The following OR1L6 variants were observed in gnomAD, a reference collection of about 807,000 sequenced individuals.
OR1L6 encodes the protein olfactory receptor 1L6.
Under a neutral mutation model 3.0 loss-of-function variants are expected in OR1L6, and 2 were observed. The ratio of observed to expected loss-of-function variants is 0.68; its 90% CI spans 0.28 to 2.13. OR1L6 has a LOEUF of 2.13. Among genes scored for constraint, OR1L6 ranks in the 30% most tolerant of loss-of-function variants. OR1L6 has a pLI of 0.14. For missense variants in OR1L6, 304 were observed against 378.4 expected (o/e 0.80, Z 1.63); for synonymous variants, 121 against 148.4 (o/e 0.82, Z 1.34).
chr9:122,748,506 G>A (rs565785479), intron 1 of OR1L6, among the ~76,000 whole-genome samples: 29 of 152,218 alleles, frequency 1.9e-4, no homozygotes, highest in Middle Eastern at 3.4e-3. Flanking sequence ...TAGAAGTTCC[G>A]AAGAACACAT....
intron 1 of OR1L6, among the ~76,000 whole-genome samples, chr9:122,745,210 T>C (rs1384770422): frequency 1.3e-5 from 2 of 152,120 alleles, no homozygotes; most frequent in African/African-American, 2.4e-5. Context: ...GGGTGAGAAA[T>C]ATGTATATAC....
Position 122,749,936 on chromosome 9 carries a change from C to T in OR1L6, c.89C>T (p.Ala30Val), listed in dbSNP as rs1828873226. The T allele has an allele frequency of 1.9e-6, 3 of 1,614,012 alleles. No homozygotes were observed. Reference sequence around the variant, plus strand: ...CCTCAGCTGCAGAAACCTCTCTTTGCCATCTTCCTCATCATGTACCTGCTC... The same window carrying T: ...CCTCAGCTGCAGAAACCTCTCTTTGTCATCTTCCTCATCATGTACCTGCTC... ...SNPQLQKPLF[A>V]IFLIMYLLAA... The change falls in exon 2 of 2, where the codon GCC becomes GTC. Residue 30 changes from alanine (A) to valine (V), a missense_variant. This residue lies in a region of OR1L6 where 192 missense variants were observed against 242.7 expected (regional missense o/e 0.79). Coordinates refer to ENST00000304720, the MANE Select transcript of OR1L6 (RefSeq NM_001004453.3).
chr9:122,745,333 A>G (rs1233895665), intron 1 of OR1L6, among the ~76,000 whole-genome samples: 1 of 152,108 alleles, frequency 6.6e-6, no homozygotes, highest in Non-Finnish European at 1.5e-5. Flanking sequence ...AGATCTTTAA[A>G]ATATGCACAC....
At chr9:122,749,667 C>G in intron 1 of OR1L6, 168 bp from the exon 2 acceptor site, 1 of 714,652 alleles carries the variant, frequency 1.4e-6, no homozygotes, top group South Asian at 1.7e-5. Context: ...GAGATCACGC[C>G]ACTGCACTCC....
At chr9:122,748,306 G>T (rs548762972) in intron 1 of OR1L6, among the ~76,000 whole-genome samples, 2 of 152,144 alleles carry the variant, frequency 1.3e-5, no homozygotes, top group South Asian at 4.2e-4. Context: ...CTATGAGCAG[G>T]AGAGGACCCT....
intron 1 of OR1L6, among the ~76,000 whole-genome samples, chr9:122,746,183 A>G (rs1828835135): frequency 6.6e-6 from 1 of 152,212 alleles, no homozygotes; most frequent in South Asian, 2.1e-4. Flanking sequence ...TGTCTGTGCT[A>G]TCAGACTGCC....
chr9:122,749,797 T>C (rs1277446616), intron 1 of OR1L6, 38 bp from the exon 2 acceptor site: 2 of 1,594,690 alleles, frequency 1.3e-6, no homozygotes, highest in Admixed American at 3.3e-5. Context: ...CAAACTGCCC[T>C]TTACATCTCT....
rs1828886069 is a variant in OR1L6 at position 122,750,643 on chromosome 9, A to G, written c.796A>G (p.Met266Val). The G allele has an allele frequency of 6.2e-7, 1 of 1,614,152 alleles. No individual in the cohort carries two copies. Among genetic ancestry groups the G allele is most frequent in the Non-Finnish European group, 8.5e-7 (1 of 1,180,030 alleles). Residue 266 changes from methionine (M) to valine (V), a missense_variant, in exon 2 of 2, where the codon ATG becomes GTG. By Grantham distance (21) the Met-to-Val change is conservative. Coordinates refer to ENST00000304720, the MANE Select transcript of OR1L6 (RefSeq NM_001004453.3). ...TTATGTCTATTTTAGGCCCCTGTCC[A>G]TGTACTCAGTGGTTAGGGACCGGGT... The part of the protein sequence containing the change: ...IIYVYFRPLS[M>V]YSVVRDRVAT...
chr9:122,749,050 A>G (rs1320346522), intron 1 of OR1L6, among the ~76,000 whole-genome samples: 1 of 152,228 alleles, frequency 6.6e-6, no homozygotes, highest in Non-Finnish European at 1.5e-5. Flanking sequence ...CAATAAACAT[A>G]TAAGTGCAGG....
chr9:122,747,605 G>C (rs1165125194), intron 1 of OR1L6, among the ~76,000 whole-genome samples: 1 of 151,956 alleles, frequency 6.6e-6, no homozygotes, highest in Non-Finnish European at 1.5e-5. Flanking sequence ...AATTTCTTCA[G>C]ATAAATCTTA....
At position 122,749,820 on chromosome 9, in the gene OR1L6, C is replaced by G. The variant is rs1828871689; in HGVS notation, c.-13-15C>G. 1 of 1,613,440 alleles carries G rather than the reference C, an allele frequency of 6.2e-7. No homozygotes were observed. The highest frequency in any genetic ancestry group is 8.5e-7 in the Non-Finnish European group (1 of 1,179,464). ...CCTTTACATCTCTCCCACTGCTTCT[C>G]CAAACCCTATCCAGGAAGTCCAGAG... is the stretch of plus-strand genomic sequence containing the variant. On this transcript the variant is annotated splice_polypyrimidine_tract_variant and intron_variant, in intron 1 of 1. Transcript: ENST00000304720.
chr9:122,749,926 CCT>C lies in OR1L6; in HGVS notation c.84_85del (p.Phe29CysfsTer24), dbSNP rs775515918. 2 of 1,614,158 alleles carry C rather than the reference CCT, an allele frequency of 1.2e-6. No homozygotes were observed. Among genetic ancestry groups the C allele is most frequent in the East Asian group, 2.2e-5 (1 of 44,868 alleles). On this transcript the variant is annotated frameshift_variant, in exon 2 of 2. Transcript: ENST00000304720. LOFTEE classifies it low-confidence loss of function (END_TRUNC). Reference protein sequence around the residue: ...GLSSNPQLQKPLFAIFLIMYL... With the variant: ...GLSSNPQLQKXLFAIFLIMYL... ...CTCTTCCAACCCTCAGCTGCAGAAA[CCT>C]CTCTTTGCCATCTTCCTCATCATGT...
chr9:122,749,295 A>G (rs996661686), intron 1 of OR1L6, among the ~76,000 whole-genome samples: 1 of 152,112 alleles, frequency 6.6e-6, no homozygotes, highest in Non-Finnish European at 1.5e-5. Context: ...GTGAAAAATG[A>G]TATTTCTACG....
intron 1 of OR1L6, among the ~76,000 whole-genome samples, chr9:122,743,944 A>G (rs919887376): frequency 6.6e-6 from 1 of 152,194 alleles, no homozygotes; most frequent in Non-Finnish European, 1.5e-5. Context: ...TCTCTACTGC[A>G]CATGTACAGT....
At chr9:122,742,834 G>A (rs369516625) in intron 1 of OR1L6, among the ~76,000 whole-genome samples, 97 of 152,314 alleles carry the variant, frequency 6.4e-4, no homozygotes, top group African/African-American at 2.1e-3. Flanking sequence ...CAAGTTTGTC[G>A]AGCAGTACCT....
intron 1 of OR1L6, among the ~76,000 whole-genome samples, chr9:122,749,374 C>T (rs1312615732): frequency 6.6e-6 from 1 of 152,092 alleles, no homozygotes; most frequent in Non-Finnish European, 1.5e-5. Context: ...TATTAATTCT[C>T]CTGATCCATG....
At position 122,749,843 on chromosome 9, in the gene OR1L6, G is replaced by A. The variant is rs953256845; in HGVS notation, c.-5G>A. The A allele has an allele frequency of 3.1e-6, 5 of 1,614,008 alleles. No homozygotes were observed. Among genetic ancestry groups the A allele is most frequent in the Non-Finnish European group, 4.2e-6 (5 of 1,179,992 alleles). On this transcript the variant is annotated 5_prime_UTR_variant, in exon 2 of 2. Coordinates refer to ENST00000304720, the MANE Select transcript of OR1L6 (RefSeq NM_001004453.3). ...CTCCAAACCCTATCCAGGAAGTCCA[G>A]AGACATGGAGATAAAGAACTACAGC...
intron 1 of OR1L6, among the ~76,000 whole-genome samples, chr9:122,745,576 C>G (rs1828829096): frequency 6.6e-6 from 1 of 151,818 alleles, no homozygotes; most frequent in South Asian, 2.1e-4. Flanking sequence ...CAACGCCCAG[C>G]TAAGTTTTTG....
intron 1 of OR1L6, among the ~76,000 whole-genome samples, chr9:122,744,715 T>C (rs747475659): frequency 2.0e-5 from 3 of 152,228 alleles, no homozygotes; most frequent in Non-Finnish European, 4.4e-5. Flanking sequence ...TGAGCAGTTA[T>C]GCTAATCACT....
Sources: allele counts gnomAD v4.1 joint callset (sites outside exome capture counted in the v4.1 genomes callset), GRCh38; gene constraint gnomAD v4.1.1; regional missense constraint gnomAD v4.1.1; transcripts MANE v1.5; gene names NCBI Gene and HGNC (gene_info 2026-07-23, HGNC 2026-07-21).